ITPR2: variants seen among roughly 807,000 people sequenced by gnomAD.
The protein encoded by ITPR2 is inositol 1,4,5-trisphosphate receptor type 2.
In ITPR2, 207 loss-of-function variants were observed where a neutral mutation model predicts 317.1. That is an observed-to-expected ratio of 0.65 (90% confidence interval 0.58 to 0.73). The LOEUF (loss-of-function observed/expected upper bound fraction) is 0.73, where lower values mean the gene tolerates loss of function less well. ITPR2 is among the 30% of genes least tolerant of loss of function. The pLI is 0.00. For synonymous variants in ITPR2, 1,156 were observed against 1,149.1 expected, an observed-to-expected ratio of 1.01 and a Z score of -0.12; for missense variants, 2,613 against 3,284.0, an observed-to-expected ratio of 0.80 and a Z score of 4.99.
At chr12:26,738,092 G>A (rs12812999) in intron 2 of ITPR2, among the ~76,000 whole-genome samples, 58,873 of 151,988 alleles carry the variant, frequency 0.39, 12,240 homozygotes, top group Non-Finnish European at 0.48. Flanking sequence ...TACAATGATA[G>A]AAGCTTTACA....
intron 55 of ITPR2, among the ~76,000 whole-genome samples, chr12:26,348,150 G>A (rs1461835094): frequency 6.6e-6 from 1 of 152,128 alleles, no homozygotes; most frequent in Admixed American, 6.5e-5. Flanking sequence ...ATGACCTATT[G>A]CATTCCTCTC....
intron 51 of ITPR2, 57 bp downstream of exon 51, chr12:26,415,246 C>A: frequency 8.9e-7 from 1 of 1,119,066 alleles, no homozygotes; most frequent in Non-Finnish European, 1.3e-6. Context: ...TGTTAACAAG[C>A]TACACACAAG....
chr12:26,711,092 C>T (rs898462112), intron 9 of ITPR2, 81 bp downstream of exon 9: 10 of 849,916 alleles, frequency 1.2e-5, no homozygotes, highest in African/African-American at 1.7e-5. Flanking sequence ...CCTGCAAATA[C>T]GATGTCTTGT....
chr12:26,415,114 C>T (rs1438572063), intron 51 of ITPR2, among the ~76,000 whole-genome samples, 189 bp downstream of exon 51: 2 of 152,024 alleles, frequency 1.3e-5, no homozygotes, highest in African/African-American at 4.8e-5. Flanking sequence ...TTTCCCTATA[C>T]ACATTGACAG....
chr12:26,655,252 G>A (rs1324490205), intron 20 of ITPR2, among the ~76,000 whole-genome samples: 1 of 152,152 alleles, frequency 6.6e-6, no homozygotes, highest in African/African-American at 2.4e-5. Context: ...AAGGGAAATA[G>A]TAATTAATAG....
intron 2 of ITPR2, among the ~76,000 whole-genome samples, chr12:26,759,333 T>G (rs1258377988): frequency 6.6e-6 from 1 of 152,204 alleles, no homozygotes; most frequent in African/African-American, 2.4e-5. Context: ...CCTTTGTCCA[T>G]GTAAATCAAA....
At chr12:26,459,156 T>C (rs1941956483) in intron 45 of ITPR2, among the ~76,000 whole-genome samples, 1 of 151,976 alleles carries the variant, frequency 6.6e-6, no homozygotes, top group African/African-American at 2.4e-5. Context: ...TCTAGGAGGG[T>C]GGACATTTTA....
chr12:26,437,697 T>A (rs1319261483), intron 47 of ITPR2, among the ~76,000 whole-genome samples: 1 of 152,236 alleles, frequency 6.6e-6, no homozygotes, highest in African/African-American at 2.4e-5. Flanking sequence ...TGGTAAATGA[T>A]AAAATACTTA....
intron 2 of ITPR2, among the ~76,000 whole-genome samples, chr12:26,768,762 T>C (rs990074091): frequency 2.0e-5 from 3 of 152,002 alleles, no homozygotes; most frequent in Admixed American, 6.6e-5. Context: ...TACAACAATT[T>C]GTAACTGCAC....
chr12:26,534,359 C>T (rs570599573), intron 37 of ITPR2, among the ~76,000 whole-genome samples: 12 of 152,138 alleles, frequency 7.9e-5, no homozygotes, highest in Non-Finnish European at 1.5e-4. Context: ...CAATAGATCT[C>T]AGAGGAAATG....
intron 45 of ITPR2, among the ~76,000 whole-genome samples, chr12:26,459,650 C>T (rs1941966768): frequency 6.6e-6 from 1 of 152,130 alleles, no homozygotes; most frequent in African/African-American, 2.4e-5. Flanking sequence ...CTGTGGGTTT[C>T]AATTCCTCCT....
At chr12:26,493,055 C>T (rs1942848310) in intron 39 of ITPR2, among the ~76,000 whole-genome samples, 1 of 151,900 alleles carries the variant, frequency 6.6e-6, no homozygotes, top group South Asian at 2.1e-4. Context: ...AGATAATTTC[C>T]AAAAAAACTC....
At chr12:26,378,595 C>T (rs1304606298) in intron 55 of ITPR2, among the ~76,000 whole-genome samples, 2 of 152,086 alleles carry the variant, frequency 1.3e-5, no homozygotes, top group South Asian at 2.1e-4. Flanking sequence ...TACCAGAGTT[C>T]GTTCTGATTT....
Position 26,656,359 on chromosome 12 carries a change from G to A in ITPR2, c.2382C>T (p.Ser794=), listed in dbSNP as rs774959293. The A allele has an allele frequency of 1.2e-5, 20 of 1,614,050 alleles. No individual in the cohort carries two copies. The highest frequency in any genetic ancestry group is 8.9e-5 in the East Asian group (4 of 44,888). The change falls in exon 19 of 57, where the codon TCC becomes TCT. Residue 794 remains serine (S), a synonymous_variant. Transcript: ENST00000381340. ...GCCTGGCATAGCGAACAGGCACCAC[G>A]GACTCCTGGGGATCCCGGTCAACGT... ...HMHVDRDPQE[S]VVPVRYARLW... is the part of the protein sequence containing the mutation.
At chr12:26,486,514 A>G (rs1045869700) in intron 40 of ITPR2, among the ~76,000 whole-genome samples, 154 bp from the exon 41 acceptor site, 3 of 152,160 alleles carry the variant, frequency 2.0e-5, no homozygotes, top group African/African-American at 4.8e-5. Flanking sequence ...TTGAGAGAGC[A>G]CTTAAAAATT....
rs752341049 is a variant in ITPR2 at position 26,486,370 on chromosome 12, A to G, written c.5555-10T>C. ...AGTGTTGAATCTCTTACTGAAAACA[A>G]AGCAGTACTTTTATATTTCTGAACC... is the stretch of plus-strand genomic sequence containing the variant. On this transcript the variant is annotated splice_polypyrimidine_tract_variant and intron_variant, in intron 40 of 56. Transcript: ENST00000381340. 2.9e-5 allele frequency: 47 copies of G among 1,601,404 alleles called. 1 individual carries two copies. The South Asian group carries it at 4.7e-4, about 16-fold the overall frequency.
At chr12:26,817,180 CAAAA>C (rs11422176) in intron 1 of ITPR2, among the ~76,000 whole-genome samples, 1 of 57,672 alleles carries the variant, frequency 1.7e-5, no homozygotes, top group Non-Finnish European at 3.1e-5. Context: ...GAGTCTCTTT[CAAAA>C]AAAAAAAAAA....
intron 37 of ITPR2, among the ~76,000 whole-genome samples, chr12:26,503,945 T>C (rs191357411): frequency 1.3e-5 from 2 of 152,352 alleles, no homozygotes; most frequent in East Asian, 1.9e-4. Flanking sequence ...CAACCTTCTA[T>C]AATTTTTCAA....
intron 9 of ITPR2, among the ~76,000 whole-genome samples, chr12:26,709,424 G>A (rs1047299683): frequency 9.2e-5 from 14 of 152,168 alleles, no homozygotes; most frequent in African/African-American, 3.4e-4. Context: ...GAGACAGGAT[G>A]AAAGAGAGTC....
Sources: allele counts gnomAD v4.1 joint callset (sites outside exome capture counted in the v4.1 genomes callset), GRCh38; gene constraint gnomAD v4.1.1; transcripts MANE v1.5; gene names NCBI Gene and HGNC (gene_info 2026-07-23, HGNC 2026-07-21).